APP: variants seen among roughly 807,000 people sequenced by gnomAD.
APP encodes amyloid-beta precursor protein.
A neutral mutation model predicts 101.4 loss-of-function variants in APP; 31 were observed. The ratio of observed to expected loss-of-function variants is 0.31; its 90% confidence interval spans 0.23 to 0.41. APP has a LOEUF of 0.41. Ranked by LOEUF, APP falls within the 10% of genes least tolerant of loss-of-function variation. The pLI, the probability that APP is intolerant of heterozygous loss-of-function variation, is 1.00. For missense variants in APP, 839 were observed against 1,003.7 expected (o/e 0.84, Z 2.22); for synonymous variants, 366 against 364.4 (o/e 1.00, Z -0.05).
At chr21:26,106,573 A>T (rs73168367) in intron 2 of APP, among the ~76,000 whole-genome samples, 3,172 of 151,906 alleles carry the variant, frequency 0.021, 48 homozygotes, top group Non-Finnish European at 0.034. Context: ...GTAACCTTGT[A>T]CTCTTGGGCC....
At chr21:26,010,897 C>A (rs1021009372) in intron 6 of APP, among the ~76,000 whole-genome samples, 1 of 150,260 alleles carries the variant, frequency 6.7e-6, no homozygotes, top group Non-Finnish European at 1.5e-5. Context: ...CTTGGTGAGG[C>A]ACACCTGTAA....
At position 26,057,561 on chromosome 21, in the gene APP, G is replaced by C. The variant is rs532294911; in HGVS notation, c.356-4213C>G. ...AATCTGGGTCTGGCTTCTTGGCTAT[G>C]AAGTCTTGGCAAGGTGAACAAGGAT... is the stretch of plus-strand genomic sequence containing the variant. On this transcript the variant is annotated intron_variant, in intron 3 of 17. Coordinates refer to ENST00000346798, the MANE Select transcript of APP (RefSeq NM_000484.4). Among the ~76,000 whole-genome samples, 4 of 152,116 alleles carry C rather than the reference G, an allele frequency of 2.6e-5. No individual in the cohort carries two copies. The South Asian group carries it at 8.3e-4, about 31-fold the overall frequency.
intron 1 of APP, among the ~76,000 whole-genome samples, chr21:26,120,730 A>G (rs986386476): frequency 8.5e-5 from 13 of 152,204 alleles, no homozygotes; most frequent in Non-Finnish European, 1.5e-5. Flanking sequence ...AAAATTAAAC[A>G]TATTTTGTTT....
chr21:26,041,625 C>T (rs943727559), intron 5 of APP, among the ~76,000 whole-genome samples: 4 of 152,046 alleles, frequency 2.6e-5, no homozygotes, highest in Non-Finnish European at 4.4e-5. Context: ...TCTCAGTAAG[C>T]AGCACAGTCT....
At chr21:25,892,956 A>AC (rs773912648) in intron 16 of APP, among the ~76,000 whole-genome samples, 329 of 52,198 alleles carry the variant, frequency 6.3e-3, no homozygotes, top group Non-Finnish European at 0.012. Flanking sequence ...ATTTAAAAAA[A>AC]AAAAACAAAA....
chr21:25,987,958 A>C (rs2042699348), intron 8 of APP, among the ~76,000 whole-genome samples: 1 of 152,234 alleles, frequency 6.6e-6, no homozygotes, highest in African/African-American at 2.4e-5. Context: ...CATATTGTTA[A>C]TATGTGATTT....
At chr21:26,156,526 C>T (rs2063379124) in intron 1 of APP, among the ~76,000 whole-genome samples, 1 of 152,146 alleles carries the variant, frequency 6.6e-6, no homozygotes, top group Admixed American at 6.5e-5. Flanking sequence ...ATCTAACTGC[C>T]TGCAAAATAA....
chr21:25,955,938 C>T (rs541639961), intron 11 of APP, among the ~76,000 whole-genome samples, 183 bp from the exon 12 acceptor site: 4 of 152,248 alleles, frequency 2.6e-5, no homozygotes, highest in South Asian at 2.1e-4. Flanking sequence ...TTACTTAGAT[C>T]GGCTGCTTTT....
chr21:25,991,772 G>C (rs2042876085), intron 8 of APP, among the ~76,000 whole-genome samples: 1 of 152,214 alleles, frequency 6.6e-6, no homozygotes, highest in Non-Finnish European at 1.5e-5. Flanking sequence ...CCACTGCATA[G>C]TTAAGTAGTT....
chr21:26,076,436 A>G (rs956742268), intron 3 of APP, among the ~76,000 whole-genome samples: 1 of 152,208 alleles, frequency 6.6e-6, no homozygotes, highest in Non-Finnish European at 1.5e-5. Context: ...AGGGAACATG[A>G]GTCTAGTTTT....
Position 26,053,298 on chromosome 21 carries a change from A to T in APP, c.406T>A (p.Leu136Ile). Reference protein sequence around the residue: ...ALLVPDKCKFLHQERMDVCET... With the variant: ...ALLVPDKCKFIHQERMDVCET... The stretch of plus-strand genomic sequence containing the variant: ...CAAACATCCATCCTCTCCTGGTGTA[A>T]GAATTTGCACTTGTCAGGAACGAGA... The change falls in exon 4 of 18, where the codon TTA (leucine) becomes ATA (isoleucine). Residue 136 changes from leucine to isoleucine, a missense_variant. Coordinates refer to ENST00000346798, the MANE Select transcript of APP (RefSeq NM_000484.4). The T allele has an allele frequency of 6.2e-7, 1 of 1,613,960 alleles. No homozygotes were observed. Among genetic ancestry groups the T allele is most frequent in the African/African-American group, 1.3e-5 (1 of 75,004 alleles).
At chr21:26,111,820 G>C (rs946979716) in intron 2 of APP, among the ~76,000 whole-genome samples, 159 bp downstream of exon 2, 6 of 152,154 alleles carry the variant, frequency 3.9e-5, no homozygotes, top group African/African-American at 1.4e-4. Context: ...GTATATCATA[G>C]GGTAATGCAA....
intron 1 of APP, among the ~76,000 whole-genome samples, chr21:26,128,734 C>T (rs779719343): frequency 1.3e-5 from 2 of 151,676 alleles, no homozygotes; most frequent in East Asian, 1.9e-4. Context: ...AAAAAAAAAC[C>T]GTAATAATGA....
At chr21:25,904,389 T>C (rs2038675203) in intron 15 of APP, among the ~76,000 whole-genome samples, 1 of 152,246 alleles carries the variant, frequency 6.6e-6, no homozygotes, top group Non-Finnish European at 1.5e-5. Context: ...AATGGGATTT[T>C]TAAGTAATAC....
At chr21:25,939,556 CAG>C (rs947073277) in intron 13 of APP, among the ~76,000 whole-genome samples, 1 of 152,184 alleles carries the variant, frequency 6.6e-6, no homozygotes, top group Non-Finnish European at 1.5e-5. Context: ...TGAGAAAAAG[CAG>C]ACACTTAGCT....
intron 17 of APP, among the ~76,000 whole-genome samples, chr21:25,883,263 C>T (rs1160310972): frequency 3.3e-5 from 5 of 151,522 alleles, no homozygotes; most frequent in African/African-American, 9.7e-5. Flanking sequence ...ATTAGCCAGG[C>T]GTGGTGGTGC....
Position 26,009,308 on chromosome 21 carries a change from T to C in APP, c.866-9126A>G, listed in dbSNP as rs370695451. ...ACTTAATTTGAACAGATTGAACAGA[T>C]TGTCTATACACATTTATTTTACTCT... On this transcript the variant is annotated intron_variant, in intron 6 of 17. Transcript: ENST00000346798. 6.6e-5 allele frequency among the ~76,000 whole-genome samples: 10 copies of C among 152,322 alleles called. No homozygotes were observed. In the East Asian group the frequency reaches 7.7e-4, roughly 12 times the overall value.
At position 26,129,014 on chromosome 21, in the gene APP, G is replaced by A. The variant is rs547194117; in HGVS notation, c.58-16868C>T. 4.6e-5 allele frequency among the ~76,000 whole-genome samples: 7 copies of A among 152,250 alleles called. No individual in the cohort carries two copies. The South Asian group carries it at 1.4e-3, about 32-fold the overall frequency. On this transcript the variant is annotated intron_variant, in intron 1 of 17. Coordinates refer to ENST00000346798, the MANE Select transcript of APP (RefSeq NM_000484.4). The stretch of plus-strand genomic sequence containing the variant: ...AATAACACATCAGATTTGGCTCTAG[G>A]CAAAATAATTACATGACATGAAGAA...
chr21:26,005,433 G>T (rs1427562737), intron 6 of APP, among the ~76,000 whole-genome samples: 1 of 152,196 alleles, frequency 6.6e-6, no homozygotes, highest in East Asian at 1.9e-4. Flanking sequence ...AAAAAATAAT[G>T]ATAATATAGG....
Sources: gnomAD v4.1 joint callset for allele counts (sites outside exome capture counted in the v4.1 genomes callset) on GRCh38, gnomAD v4.1.1 for gene constraint, MANE v1.5 for transcripts, NCBI Gene and HGNC (gene_info 2026-07-23, HGNC 2026-07-21) for gene names.